The following MARCO variants were observed in gnomAD, a reference collection of about 807,000 sequenced individuals.
MARCO encodes macrophage receptor MARCO.
Under a neutral mutation model 70.0 loss-of-function variants are expected in MARCO, and 72 were observed. The observed-to-expected ratio is 1.03, with a 90% confidence interval of 0.85 to 1.25. The LOEUF is 1.25. MARCO is among the 50% of genes most tolerant of loss of function. MARCO has a pLI of 0.00. For synonymous variants in MARCO, 273 were observed against 243.1 expected, an observed-to-expected ratio of 1.12 and a Z score of -1.14; for missense variants, 696 against 659.3, an observed-to-expected ratio of 1.06 and a Z score of -0.61.
At chr2:118,986,709 GAAAGAAAGAAAGAAAAGAAA>G (rs1680518544) in intron 12 of MARCO, among the ~76,000 whole-genome samples, 15 of 89,756 alleles carry the variant, frequency 1.7e-4, no homozygotes, top group African/African-American at 6.2e-4. Context: ...AAGAAAGAAA[GAAAGAAAGAAAGAAAAGAAA>G]GAAAGAAAGA....
intron 13 of MARCO, among the ~76,000 whole-genome samples, chr2:118,990,996 C>T (rs1205510263): frequency 1.3e-5 from 2 of 152,198 alleles, no homozygotes; most frequent in Non-Finnish European, 2.9e-5. Flanking sequence ...TTCCCCACCT[C>T]AGCTGTGGCC....
chr2:118,990,553 A>G, intron 12 of MARCO, 36 bp from the exon 13 acceptor site: 1 of 1,554,964 alleles, frequency 6.4e-7, no homozygotes. Context: ...AAGTTTTATT[A>G]TCTCCTCCCC....
chr2:118,953,675 C>T (rs1287629103), intron 1 of MARCO, among the ~76,000 whole-genome samples: 1 of 152,144 alleles, frequency 6.6e-6, no homozygotes, highest in Non-Finnish European at 1.5e-5. Flanking sequence ...TGAGAGGATC[C>T]ACAGACCCTC....
At chr2:118,950,888 T>C (rs1450428498) in intron 1 of MARCO, among the ~76,000 whole-genome samples, 1 of 152,174 alleles carries the variant, frequency 6.6e-6, no homozygotes, top group Non-Finnish European at 1.5e-5. Context: ...GCCACAAGAT[T>C]AGAAGTTAGG....
At chr2:118,968,533 C>A (rs866047262) in intron 1 of MARCO, among the ~76,000 whole-genome samples, 1 of 152,150 alleles carries the variant, frequency 6.6e-6, no homozygotes, top group Non-Finnish European at 1.5e-5. Context: ...GAAGACCACA[C>A]CCCAGAGTGC....
chr2:118,980,695 C>T (rs1043058576), intron 8 of MARCO, among the ~76,000 whole-genome samples: 1 of 152,160 alleles, frequency 6.6e-6, no homozygotes, highest in Non-Finnish European at 1.5e-5. Context: ...CACGGACACC[C>T]AGCTGATGGT....
At chr2:118,949,440 C>T (rs771124075) in intron 1 of MARCO, 2 of 152,062 alleles carry the variant, frequency 1.3e-5, no homozygotes, top group East Asian at 1.9e-4. Flanking sequence ...TGGCATGAGG[C>T]GAGTCATAGT....
intron 1 of MARCO, among the ~76,000 whole-genome samples, chr2:118,957,920 T>A (rs111949674): frequency 0.077 from 11,742 of 152,120 alleles, 519 homozygotes; most frequent in South Asian, 0.15. Context: ...TTTCAATAGA[T>A]GCAGAAAAAG....
intron 8 of MARCO, among the ~76,000 whole-genome samples, chr2:118,980,462 C>A (rs1680367980): frequency 6.6e-6 from 1 of 152,234 alleles, no homozygotes. Flanking sequence ...CTCTTCAGAG[C>A]TCTCTCTCCC....
At chr2:118,949,560 C>G (rs562794552) in intron 1 of MARCO, 1 of 152,294 alleles carries the variant, frequency 6.6e-6, no homozygotes, top group East Asian at 1.9e-4. Flanking sequence ...TGCTCCTAAA[C>G]CACAGAAGTG....
chr2:118,986,698 A>C lies in MARCO; in HGVS notation c.1064-3891A>C, dbSNP rs1680515523. On this transcript the variant is annotated intron_variant, in intron 12 of 16. Transcript: ENST00000327097. ...GAAAGAAAGAAAGAAAGAAAGAAAGAAAGAAAGAAAGAAAGAAAGAAAGAA... is the reference window on the plus strand; with the variant it reads ...GAAAGAAAGAAAGAAAGAAAGAAAGCAAGAAAGAAAGAAAGAAAGAAAGAA... Among the ~76,000 whole-genome samples the C allele has an allele frequency of 3.6e-5, 4 of 112,092 alleles. 1 individual carries two copies. In the East Asian group the frequency reaches 1.4e-3, roughly 38 times the overall value. 73.5% of individuals were successfully genotyped at this position (112,092 alleles called of 152,430 possible). A position where few individuals can be genotyped will look rare whatever the true frequency, so the allele number is the denominator to read the frequency against.
At chr2:118,954,260 T>A (rs1679785071) in intron 1 of MARCO, among the ~76,000 whole-genome samples, 1 of 152,170 alleles carries the variant, frequency 6.6e-6, no homozygotes, top group Non-Finnish European at 1.5e-5. Flanking sequence ...GCCCTTTGGT[T>A]TGTGTGGGAG....
intron 2 of MARCO, 34 bp downstream of exon 2, chr2:118,969,295 G>C (rs200829925): frequency 3.2e-6 from 5 of 1,562,082 alleles, no homozygotes; most frequent in South Asian, 2.2e-5. Context: ...AGTCCCTCCT[G>C]GGGGGAGAGG....
At position 118,986,672 on chromosome 2, in the gene MARCO, G is replaced by GGAAAAAAAGAAA. The variant is rs772908466; in HGVS notation, c.1064-3913_1064-3912insAAAAGAAAGAAA. 1.8e-3 allele frequency among the ~76,000 whole-genome samples: 89 copies of GGAAAAAAAGAAA among 48,696 alleles called. 15 individuals are homozygous for GGAAAAAAAGAAA. Among genetic ancestry groups the GGAAAAAAAGAAA allele is most frequent in the African/African-American group, 0.011 (85 of 7,462 alleles). 31.9% of individuals were successfully genotyped at this position (48,696 alleles called of 152,430 possible). On this transcript the variant is annotated intron_variant, in intron 12 of 16. Transcript: ENST00000327097. ...AAGAAAGAAGGAAGGAAGGAAGGAA[G>GGAAAAAAAGAAA]GAAAGAAAGAAAGAAAGAAAGAAAG...
At chr2:118,981,359 G>A (rs750485170) in intron 8 of MARCO, 50 bp from the exon 9 acceptor site, 2 of 1,183,218 alleles carry the variant, frequency 1.7e-6, no homozygotes, top group Non-Finnish European at 2.5e-6. Context: ...GGACATGGTG[G>A]CCTGATTGGA....
intron 8 of MARCO, among the ~76,000 whole-genome samples, chr2:118,980,471 C>T (rs1680368162): frequency 2.6e-5 from 4 of 152,344 alleles, no homozygotes; most frequent in Admixed American, 2.6e-4. Context: ...GCTCTCTCTC[C>T]CCTTTTCTAA....
intron 13 of MARCO, among the ~76,000 whole-genome samples, chr2:118,990,896 A>T (rs1680609545): frequency 6.6e-6 from 1 of 152,102 alleles, no homozygotes; most frequent in Non-Finnish European, 1.5e-5. Flanking sequence ...AAGGGGAAAA[A>T]TGTCAGGAGA....
chr2:118,988,866 A>G (rs1573409352), intron 12 of MARCO, among the ~76,000 whole-genome samples: 1 of 152,158 alleles, frequency 6.6e-6, no homozygotes, highest in East Asian at 1.9e-4. Context: ...GAGGGGACAC[A>G]GGACACTGTG....
rs1491005116 is a variant in MARCO at position 118,945,702 on chromosome 2, CTA to C, written c.97+3306_97+3307del. Among the ~76,000 whole-genome samples, 426 of 152,256 alleles carry C rather than the reference CTA, an allele frequency of 2.8e-3. 3 individuals are homozygous for C. The highest frequency in any genetic ancestry group is 0.024 in the Middle Eastern group (7 of 294). Reference sequence around the variant, plus strand: ...TGCTGGAATTACAGGCATGAGCCACCTACCTGGCCCTGTTGGGACCTCTTACT... The same window carrying C: ...TGCTGGAATTACAGGCATGAGCCACCCCTGGCCCTGTTGGGACCTCTTACT... On this transcript the variant is annotated intron_variant, in intron 1 of 16. Coordinates refer to ENST00000327097, the MANE Select transcript of MARCO (RefSeq NM_006770.4).
Sources: gnomAD v4.1 joint callset for allele counts (sites outside exome capture counted in the v4.1 genomes callset) on GRCh38, gnomAD v4.1.1 for gene constraint, MANE v1.5 for transcripts, NCBI Gene and HGNC (gene_info 2026-07-23, HGNC 2026-07-21) for gene names.